Variants in RSAD2 observed in about 807,000 individuals in gnomAD.
RSAD2 encodes the protein S-adenosylmethionine-dependent nucleotide dehydratase RSAD2.
Under a neutral mutation model 37.7 loss-of-function variants are expected in RSAD2, and 38 were observed. The ratio of observed to expected loss-of-function variants is 1.01; its 90% CI spans 0.78 to 1.32. The LOEUF is 1.32. Among genes scored for constraint, RSAD2 ranks in the 40% most tolerant of loss-of-function variants. The pLI, the probability that RSAD2 is intolerant of heterozygous loss-of-function variation, is 0.00. For missense variants in RSAD2, 428 were observed against 437.5 expected (o/e 0.98, Z 0.19); for synonymous variants, 163 against 157.4 (o/e 1.04, Z -0.27).
chr2:6,866,722 C>G (rs1663099973), intron 1 of RSAD2: 1 of 151,962 alleles, frequency 6.6e-6, no homozygotes, highest in African/African-American at 2.4e-5. Flanking sequence ...TGATGTCAAG[C>G]AAACCAAAAA....
At chr2:6,888,036 T>A (rs1427470978) in intron 3 of RSAD2, among the ~76,000 whole-genome samples, 2 of 152,220 alleles carry the variant, frequency 1.3e-5, no homozygotes, top group Non-Finnish European at 2.9e-5. Context: ...AGGAAGCATT[T>A]GGCTATGCTC....
At chr2:6,874,659 C>T (rs58874420), upstream of RSAD2, among the ~76,000 whole-genome samples, 5 of 145,776 alleles carry the variant, frequency 3.4e-5, no homozygotes, top group Admixed American at 3.5e-4. Context: ...AACTTTATGA[C>T]TTTTATTTAA....
chr2:6,893,957 T>C (rs907163585), intron 5 of RSAD2, among the ~76,000 whole-genome samples: 35 of 152,194 alleles, frequency 2.3e-4, no homozygotes, highest in African/African-American at 8.2e-4. Flanking sequence ...CCATATGATA[T>C]TGTCTGCCAT....
At chr2:6,879,075 C>T in intron 1 of RSAD2, 1 of 456,142 alleles carries the variant, frequency 2.2e-6, no homozygotes. Flanking sequence ...CACACAGATT[C>T]ATTTTGCCTG....
Position 6,877,854 on chromosome 2 carries a change from G to A in RSAD2, c.54G>A (p.Arg18=). ...AFAGKLLSVF[R]QPLSSLWRSL... The stretch of plus-strand genomic sequence containing the variant: ...CTGGGAAGCTCTTGAGTGTGTTCAG[G>A]CAACCTCTGAGCTCTCTGTGGAGGA... Residue 18 remains arginine, a synonymous_variant, in exon 1 of 6, where the codon AGG becomes AGA. Coordinates refer to ENST00000382040, the MANE Select transcript of RSAD2 (RefSeq NM_080657.5). The A allele has an allele frequency of 1.2e-6, 2 of 1,614,108 alleles. No individual in the cohort carries two copies. Among genetic ancestry groups the A allele is most frequent in the Middle Eastern group, 1.7e-4 (1 of 6,060 alleles).
intron 5 of RSAD2, 53 bp downstream of exon 5, chr2:6,893,756 T>C (rs1663678894): frequency 3.1e-6 from 4 of 1,300,770 alleles, no homozygotes; most frequent in Non-Finnish European, 4.4e-6. Flanking sequence ...TAATTAGCAG[T>C]AATGGCAGAG....
chr2:6,877,761 C>T (rs1286428517), upstream of RSAD2: 1 of 1,511,018 alleles, frequency 6.6e-7, no homozygotes, highest in Admixed American at 1.9e-5. Context: ...AAGAGAGTCC[C>T]TGGCATACAG....
In RSAD2 at chr2:6,895,942, G is replaced by T; in HGVS notation, c.1086G>T (p.Ter362TyrextTer16). 1 of 1,613,170 alleles carries T rather than the reference G, an allele frequency of 6.2e-7. No individual in the cohort carries two copies. Among genetic ancestry groups the T allele is most frequent in the South Asian group, 1.1e-5 (1 of 90,980 alleles). ...AGGCTGATCTGAAGCTGGATTGGTA[G>T]AGCGGAAAGTGGAACGAGACTTCAA... ...WSKADLKLDW[*>Y] The change falls in exon 6 of 6, where the codon TAG becomes TAT. Residue 362 changes from the stop codon to tyrosine, a stop_lost. Coordinates refer to ENST00000382040, the MANE Select transcript of RSAD2 (RefSeq NM_080657.5).
upstream of RSAD2, among the ~76,000 whole-genome samples, chr2:6,875,429 A>G (rs1663265338): frequency 6.6e-6 from 1 of 152,204 alleles, no homozygotes; most frequent in South Asian, 2.1e-4. Context: ...TACTCTGTCC[A>G]TCCTTAACCC....
upstream of RSAD2, chr2:6,877,597 C>G: frequency 1.7e-6 from 1 of 572,764 alleles, no homozygotes; most frequent in East Asian, 2.9e-5. Context: ...ATGCTCGCCC[C>G]GATCTCTAGT....
intron 5 of RSAD2, among the ~76,000 whole-genome samples, chr2:6,894,330 TC>T (rs2103249774): frequency 6.6e-6 from 1 of 152,248 alleles, no homozygotes; most frequent in Admixed American, 6.5e-5. Context: ...TTGCCACTCT[TC>T]CTAGCAAAGG....
intron 3 of RSAD2, among the ~76,000 whole-genome samples, chr2:6,889,304 T>C (rs80343925): frequency 0.13 from 19,267 of 152,066 alleles, 1,319 homozygotes; most frequent in South Asian, 0.16. Context: ...GAAGACACCA[T>C]GAAAGCAAAT....
intron 5 of RSAD2, among the ~76,000 whole-genome samples, chr2:6,895,312 A>G (rs1240601283): frequency 2.0e-5 from 3 of 152,212 alleles, no homozygotes; most frequent in African/African-American, 4.8e-5. Flanking sequence ...ATTAATATTT[A>G]CATATATGCA....
chr2:6,895,596 C>T (rs989482774), intron 5 of RSAD2, among the ~76,000 whole-genome samples, 182 bp from the exon 6 acceptor site: 1 of 152,238 alleles, frequency 6.6e-6, no homozygotes, highest in African/African-American at 2.4e-5. Flanking sequence ...CCTCTTCCAC[C>T]AGACCATGAG....
chr2:6,891,617 A>C (rs565692215), intron 4 of RSAD2, among the ~76,000 whole-genome samples: 77 of 152,256 alleles, frequency 5.1e-4, no homozygotes, highest in Non-Finnish European at 1.0e-3. Context: ...AATACAAAAA[A>C]TTAGCCGGGC....
In RSAD2 at chr2:6,878,012, C is replaced by A; in HGVS notation, c.212C>A (p.Thr71Asn). Reference protein sequence around the residue: ...EEEEDPPLPTTPTSVNYHFTR... With the variant: ...EEEEDPPLPTNPTSVNYHFTR... ...GAAGAGGACCCTCCTCTGCCCACCA[C>A]CCCAACCAGCGTCAACTATCACTTC... The change falls in exon 1 of 6, where the codon ACC (threonine) becomes AAC (asparagine). Residue 71 changes from threonine to asparagine, a missense_variant. Thr to Asn is a moderately conservative substitution (Grantham distance 65). Coordinates refer to ENST00000382040, the MANE Select transcript of RSAD2 (RefSeq NM_080657.5). 1 of 1,614,180 alleles carries A rather than the reference C, an allele frequency of 6.2e-7. No individual in the cohort carries two copies. Among genetic ancestry groups the A allele is most frequent in the Non-Finnish European group, 8.5e-7 (1 of 1,180,032 alleles).
upstream of RSAD2, among the ~76,000 whole-genome samples, chr2:6,873,309 A>C (rs1186236956): frequency 6.6e-6 from 1 of 152,184 alleles, no homozygotes; most frequent in Non-Finnish European, 1.5e-5. Context: ...TGTTCAACGT[A>C]CTAGTTTTCT....
In RSAD2 at chr2:6,895,470, C is replaced by T. The variant is rs551638359; in HGVS notation, c.922-308C>T. ...TCTCAACACATAATTCAGATGTTAG[C>T]ATTTGGGGCAAGCCTCTCCTGATTA... is the stretch of plus-strand genomic sequence containing the variant. On this transcript the variant is annotated intron_variant, in intron 5 of 5. Transcript: ENST00000382040. 2.3e-3 allele frequency among the ~76,000 whole-genome samples: 348 copies of T among 152,328 alleles called. 4 individuals are homozygous for T. The highest frequency in any genetic ancestry group is 8.0e-3 in the African/African-American group (331 of 41,562).
intron 1 of RSAD2, among the ~76,000 whole-genome samples, chr2:6,868,141 C>T (rs1329058117): frequency 6.6e-6 from 1 of 152,026 alleles, no homozygotes; most frequent in Non-Finnish European, 1.5e-5. Context: ...CCATAATCTT[C>T]AACACTTACA....
Sources: allele counts gnomAD v4.1 joint callset (sites outside exome capture counted in the v4.1 genomes callset), GRCh38; gene constraint gnomAD v4.1.1; transcripts MANE v1.5; gene names NCBI Gene and HGNC (gene_info 2026-07-23, HGNC 2026-07-21).